DROSHA: variants seen among roughly 807,000 people sequenced by gnomAD.
DROSHA encodes the protein ribonuclease 3.
DROSHA carries 56 observed loss-of-function variants against 181.9 expected under a neutral mutation model. The ratio of observed to expected loss-of-function variants is 0.31; its 90% CI spans 0.25 to 0.38. The LOEUF is 0.38. Among genes scored for constraint, DROSHA ranks in the 10% least tolerant of loss-of-function variants. The pLI, the probability that DROSHA is intolerant of heterozygous loss-of-function variation, is 1.00. For missense variants in DROSHA, 1,218 were observed against 1,743.5 expected (o/e 0.70, Z 5.37); for synonymous variants, 524 against 591.2 (o/e 0.89, Z 1.65).
At chr5:31,465,599 G>A (rs1187680122) in intron 19 of DROSHA, among the ~76,000 whole-genome samples, 2 of 152,146 alleles carry the variant, frequency 1.3e-5, no homozygotes, top group Non-Finnish European at 2.9e-5. Flanking sequence ...GGATGTTTTG[G>A]CCCCTCCAAA....
intron 28 of DROSHA, among the ~76,000 whole-genome samples, chr5:31,424,134 A>G (rs1160698178): frequency 6.6e-6 from 1 of 152,172 alleles, no homozygotes; most frequent in Non-Finnish European, 1.5e-5. Context: ...TGCTTTCAAT[A>G]TCACCTTTTG....
chr5:31,520,904 T>C (rs537971042), intron 6 of DROSHA, among the ~76,000 whole-genome samples: 1 of 152,318 alleles, frequency 6.6e-6, no homozygotes, highest in South Asian at 2.1e-4. Flanking sequence ...GTCTGTATAA[T>C]TTCTAATTTT....
chr5:31,436,643 T>A (rs1744826669), intron 24 of DROSHA, among the ~76,000 whole-genome samples: 1 of 152,072 alleles, frequency 6.6e-6, no homozygotes, highest in Non-Finnish European at 1.5e-5. Flanking sequence ...TCCACCCGCC[T>A]TGGCCTCCCA....
intron 19 of DROSHA, among the ~76,000 whole-genome samples, 179 bp from the exon 20 acceptor site, chr5:31,464,522 T>C (rs890300877): frequency 6.7e-6 from 1 of 148,868 alleles, no homozygotes; most frequent in Admixed American, 6.8e-5. Flanking sequence ...TGCTCAAAGC[T>C]TGGGGTATAA....
intron 20 of DROSHA, among the ~76,000 whole-genome samples, chr5:31,456,757 T>C (rs1305808677): frequency 1.3e-5 from 2 of 152,158 alleles, no homozygotes; most frequent in East Asian, 1.9e-4. Context: ...TTTGTTGTTG[T>C]TGTGGTTTGG....
intron 5 of DROSHA, among the ~76,000 whole-genome samples, chr5:31,524,002 A>C (rs12523115): frequency 0.42 from 60,048 of 142,374 alleles, 12,722 homozygotes; most frequent in Non-Finnish European, 0.48. Flanking sequence ...AAAACAACAA[A>C]AAAAAAACTA....
At chr5:31,500,463 C>T (rs1318718298) in intron 11 of DROSHA, among the ~76,000 whole-genome samples, 7 of 152,228 alleles carry the variant, frequency 4.6e-5, no homozygotes. Flanking sequence ...GAAGAAGCAA[C>T]GGCCCACGCT....
At chr5:31,476,458 G>A (rs1207122829) in intron 16 of DROSHA, among the ~76,000 whole-genome samples, 10 of 152,132 alleles carry the variant, frequency 6.6e-5, no homozygotes, top group Admixed American at 4.6e-4. Flanking sequence ...AGGCAGAAGC[G>A]AGTCACATAG....
intron 16 of DROSHA, among the ~76,000 whole-genome samples, chr5:31,478,439 A>G (rs1405358899): frequency 6.6e-6 from 1 of 152,260 alleles, no homozygotes; most frequent in East Asian, 1.9e-4. Flanking sequence ...AAACTGTAAA[A>G]GACTAGTAAC....
At chr5:31,507,186 C>T (rs567613500) in intron 10 of DROSHA, among the ~76,000 whole-genome samples, 3 of 152,184 alleles carry the variant, frequency 2.0e-5, no homozygotes, top group African/African-American at 4.8e-5. Flanking sequence ...GCAGGCCAGG[C>T]GCAGTGGCTC....
chr5:31,461,722 C>T (rs567343604), intron 20 of DROSHA, among the ~76,000 whole-genome samples: 255 of 150,214 alleles, frequency 1.7e-3, no homozygotes, highest in Non-Finnish European at 3.2e-3. Flanking sequence ...TTACTTTTGC[C>T]GTTTTCCCCT....
intron 5 of DROSHA, among the ~76,000 whole-genome samples, chr5:31,521,583 C>A (rs1739903791): frequency 6.6e-6 from 1 of 152,110 alleles, no homozygotes; most frequent in African/African-American, 2.4e-5. Context: ...CTAAAAAATG[C>A]TCTATTTTAC....
At chr5:31,403,379 T>C (rs1211050727) in intron 35 of DROSHA, among the ~76,000 whole-genome samples, 1 of 152,216 alleles carries the variant, frequency 6.6e-6, no homozygotes, top group Non-Finnish European at 1.5e-5. Context: ...GTACTACATA[T>C]ATATGCAATG....
At chr5:31,402,731 A>C (rs2149981887) in intron 35 of DROSHA, among the ~76,000 whole-genome samples, 1 of 152,322 alleles carries the variant, frequency 6.6e-6, no homozygotes, top group Admixed American at 6.5e-5. Flanking sequence ...TAGGAAAAGC[A>C]TCTGAAAGAC....
chr5:31,452,456 T>C (rs1747143083), intron 20 of DROSHA, among the ~76,000 whole-genome samples: 1 of 152,194 alleles, frequency 6.6e-6, no homozygotes, highest in African/African-American at 2.4e-5. Context: ...ATAAATTCCT[T>C]ATTGGGAGAT....
intron 16 of DROSHA, among the ~76,000 whole-genome samples, chr5:31,475,532 C>A (rs530016291): frequency 6.6e-6 from 1 of 152,272 alleles, no homozygotes; most frequent in Admixed American, 6.5e-5. Context: ...TGTCTATACA[C>A]TTCACATGCA....
intron 30 of DROSHA, among the ~76,000 whole-genome samples, chr5:31,412,090 G>A (rs530845340): frequency 6.6e-6 from 1 of 152,132 alleles, no homozygotes; most frequent in Non-Finnish European, 1.5e-5. Context: ...ATTATGCAAC[G>A]AATCCATTAT....
At position 31,467,969 on chromosome 5, in the gene DROSHA, G is replaced by A; in HGVS notation, c.2336C>T (p.Pro779Leu). The A allele has an allele frequency of 6.2e-7, 1 of 1,611,710 alleles. No homozygotes were observed. Among genetic ancestry groups the A allele is most frequent in the Non-Finnish European group, 8.5e-7 (1 of 1,178,966 alleles). Residue 779 changes from proline (P) to leucine (L), a missense_variant, in exon 18 of 36, where the codon CCT becomes CTT. By Grantham distance (98) the Pro-to-Leu change is moderately conservative (BLOSUM62 -3). Around this residue, in one of 8 missense-constraint regions of DROSHA, gnomAD observed 460 missense variants for 774.2 expected, o/e 0.59. Transcript: ENST00000344624. ...FPIIVHFGIR[P>L]AQLSYAGDPQ... ...GTCTCCTGCATAACTCAACTGTGCAGGGCGTATCCCAAAGTGGACGATAAT... is the reference window on the plus strand; with the variant it reads ...GTCTCCTGCATAACTCAACTGTGCAAGGCGTATCCCAAAGTGGACGATAAT...
chr5:31,414,107 A>C (rs551985336), intron 30 of DROSHA, among the ~76,000 whole-genome samples: 34 of 152,246 alleles, frequency 2.2e-4, no homozygotes, highest in Non-Finnish European at 3.5e-4. Flanking sequence ...CCAAGGGAGG[A>C]GAGCTGATGC....
Sources: allele counts gnomAD v4.1 joint callset (sites outside exome capture counted in the v4.1 genomes callset), GRCh38; gene constraint gnomAD v4.1.1; regional missense constraint gnomAD v4.1.1; transcripts MANE v1.5; gene names NCBI Gene and HGNC (gene_info 2026-07-23, HGNC 2026-07-21).